The following CDK5RAP2 variants were observed in gnomAD, a reference collection of about 807,000 sequenced individuals.
CDK5RAP2 encodes the protein CDK5 regulatory subunit associated protein 2.
CDK5RAP2 carries 147 observed loss-of-function variants against 232.9 expected under a neutral mutation model. The observed-to-expected ratio is 0.63, with a 90% CI of 0.55 to 0.72. CDK5RAP2 has a LOEUF of 0.72. Among genes scored for constraint, CDK5RAP2 ranks in the 30% least tolerant of loss-of-function variants. The probability of loss-of-function intolerance (pLI) is 0.00; values close to 1 mark genes in which losing one functional copy is unlikely to be tolerated. For missense variants in CDK5RAP2, 2,195 were observed against 2,231.5 expected, an observed-to-expected ratio of 0.98 and a Z score of 0.33; for synonymous variants, 833 against 833.7, an observed-to-expected ratio of 1.00 and a Z score of 0.01.
At chr9:120,456,770 C>T (rs927399416) in intron 20 of CDK5RAP2, among the ~76,000 whole-genome samples, 1 of 152,178 alleles carries the variant, frequency 6.6e-6, no homozygotes, top group African/African-American at 2.4e-5. Context: ...CCATTACTCA[C>T]CACCAAACAA....
At chr9:120,412,039 A>G (rs778006656) in intron 28 of CDK5RAP2, among the ~76,000 whole-genome samples, 12 of 152,192 alleles carry the variant, frequency 7.9e-5, no homozygotes, top group Non-Finnish European at 1.5e-4. Flanking sequence ...TTTCCGTCCT[A>G]AAGTTCAGGC....
chr9:120,517,949 C>T, intron 12 of CDK5RAP2: 2 of 241,522 alleles, frequency 8.3e-6, no homozygotes, highest in South Asian at 4.7e-5. Flanking sequence ...ATGTTTGCTG[C>T]AGAAGTCATA....
intron 23 of CDK5RAP2, among the ~76,000 whole-genome samples, chr9:120,443,194 T>C (rs897663411): frequency 6.6e-6 from 1 of 152,158 alleles, no homozygotes; most frequent in African/African-American, 2.4e-5. Context: ...CAGGCTCTCT[T>C]CTGACCCACT....
chr9:120,537,792 G>C (rs1266728753), intron 6 of CDK5RAP2, among the ~76,000 whole-genome samples: 1 of 152,094 alleles, frequency 6.6e-6, no homozygotes, highest in African/African-American at 2.4e-5. Flanking sequence ...GAGCTTAGAA[G>C]GATGTCTCAC....
intron 12 of CDK5RAP2, among the ~76,000 whole-genome samples, chr9:120,506,100 A>C (rs981815073): frequency 5.9e-5 from 9 of 152,238 alleles, no homozygotes; most frequent in African/African-American, 1.7e-4. Context: ...AAAACTTCAA[A>C]GGACAGGGTG....
chr9:120,453,017 C>T (rs551485738), intron 21 of CDK5RAP2, among the ~76,000 whole-genome samples: 1 of 152,318 alleles, frequency 6.6e-6, no homozygotes, highest in East Asian at 1.9e-4. Flanking sequence ...TGACTGCAAC[C>T]TGCAAAAGCA....
intron 7 of CDK5RAP2, among the ~76,000 whole-genome samples, chr9:120,534,682 G>A (rs1159753443): frequency 6.6e-6 from 1 of 152,200 alleles, no homozygotes; most frequent in Non-Finnish European, 1.5e-5. Flanking sequence ...TATTCATTCT[G>A]TCCCAGGACC....
chr9:120,393,778 C>T (rs184566001), intron 36 of CDK5RAP2, among the ~76,000 whole-genome samples: 175 of 152,378 alleles, frequency 1.1e-3, no homozygotes, highest in Middle Eastern at 3.4e-3. Context: ...ACCTCACCAA[C>T]CCTGAGTCTC....
intron 15 of CDK5RAP2, among the ~76,000 whole-genome samples, chr9:120,473,160 TAAGA>T (rs1288838363): frequency 1.3e-5 from 2 of 152,224 alleles, no homozygotes; most frequent in East Asian, 3.8e-4. Context: ...GTTATTTTCT[TAAGA>T]AAGATTCCCA....
At chr9:120,460,248 T>C (rs952049644) in intron 19 of CDK5RAP2, among the ~76,000 whole-genome samples, 1 of 152,186 alleles carries the variant, frequency 6.6e-6, no homozygotes. Flanking sequence ...CCTCAAAGCC[T>C]TCAGTTTCTA....
intron 15 of CDK5RAP2, among the ~76,000 whole-genome samples, chr9:120,475,086 C>T (rs1219193218): frequency 9.2e-5 from 14 of 152,172 alleles, no homozygotes; most frequent in Non-Finnish European, 1.5e-5. Context: ...ACACAGTGTC[C>T]TCTCTAGTTT....
intron 26 of CDK5RAP2, among the ~76,000 whole-genome samples, chr9:120,420,239 G>A (rs1000569051): frequency 6.6e-6 from 1 of 152,156 alleles, no homozygotes; most frequent in African/African-American, 2.4e-5. Flanking sequence ...TTGGGTCGAC[G>A]GCAGCTGTTT....
intron 7 of CDK5RAP2, among the ~76,000 whole-genome samples, chr9:120,534,713 A>C (rs879376340): frequency 6.6e-6 from 1 of 152,086 alleles, no homozygotes; most frequent in Non-Finnish European, 1.5e-5. Flanking sequence ...CCTATCCCAA[A>C]CCCTCTCCTT....
Position 120,530,031 on chromosome 9 carries a change from C to G in CDK5RAP2, c.772G>C (p.Glu258Gln). Residue 258 changes from glutamate (E) to glutamine (Q), a missense_variant, in exon 8 of 38, where the codon GAG (glutamate) becomes CAG (glutamine). Physicochemically the swap from Glu to Gln is conservative, Grantham distance 29 (BLOSUM62 2). Coordinates refer to ENST00000349780, the MANE Select transcript of CDK5RAP2 (RefSeq NM_018249.6). ...GGAGCAGCACAAAGTCCTCGGAGCT[C>G]TCCAGATGACACATTCTCATCAGGA... is the stretch of plus-strand genomic sequence containing the variant. ...ACPDENVSSG[E>Q]LRGLCAAPRE... The G allele has an allele frequency of 3.7e-6, 6 of 1,614,062 alleles. No homozygotes were observed. Among genetic ancestry groups the G allele is most frequent in the African/African-American group, 1.3e-5 (1 of 75,056 alleles).
At chr9:120,470,087 C>G in intron 17 of CDK5RAP2, 24 bp downstream of exon 17, 1 of 1,123,322 alleles carries the variant, frequency 8.9e-7, no homozygotes, top group Non-Finnish European at 1.3e-6. Flanking sequence ...AAAAGAAAAG[C>G]ACTAAAAATT....
At chr9:120,541,365 T>C (rs2041625490) in intron 5 of CDK5RAP2, among the ~76,000 whole-genome samples, 1 of 152,228 alleles carries the variant, frequency 6.6e-6, no homozygotes, top group Non-Finnish European at 1.5e-5. Flanking sequence ...TTCAGTTTGT[T>C]TGAGTTTTAG....
At position 120,394,499 on chromosome 9, in the gene CDK5RAP2, C is replaced by T. The variant is rs780111593; in HGVS notation, c.5578+13G>A. 3 of 1,614,116 alleles carry T rather than the reference C, an allele frequency of 1.9e-6. No homozygotes were observed. The highest frequency in any genetic ancestry group is 1.7e-6 in the Non-Finnish European group (2 of 1,180,030). On this transcript the variant is annotated intron_variant, in intron 36 of 37. Transcript: ENST00000349780. The stretch of plus-strand genomic sequence containing the variant: ...AGTGGTCAGGCATAGCGGCCACCCC[C>T]ACACTCACTCACATTGATCAAAGAT...
Position 120,458,603 on chromosome 9 carries a change from T to C in CDK5RAP2, c.2222A>G (p.Lys741Arg), listed in dbSNP as rs754661724. ...QSNEIMKDLS[K>R]GGCKNGYLRH... ...TAAGTATCCATTTTTGCAGCCTCCTTTGGAAAGGTCTTTCATAATCTGCAA... is the reference window on the plus strand; with the variant it reads ...TAAGTATCCATTTTTGCAGCCTCCTCTGGAAAGGTCTTTCATAATCTGCAA... Residue 741 changes from lysine to arginine, a missense_variant, in exon 20 of 38, where the codon AAA becomes AGA. Transcript: ENST00000349780. The C allele has an allele frequency of 1.9e-6, 3 of 1,614,126 alleles. No individual in the cohort carries two copies. Among genetic ancestry groups the C allele is most frequent in the Non-Finnish European group, 2.5e-6 (3 of 1,179,994 alleles).
At chr9:120,443,593 C>T (rs747717018) in intron 23 of CDK5RAP2, 27 bp downstream of exon 23, 1 of 1,613,504 alleles carries the variant, frequency 6.2e-7, no homozygotes, top group South Asian at 1.1e-5. Flanking sequence ...GGAAGCTGTT[C>T]AATACACACA....
Sources: gnomAD v4.1 joint callset for allele counts (sites outside exome capture counted in the v4.1 genomes callset) on GRCh38, gnomAD v4.1.1 for gene constraint, MANE v1.5 for transcripts, NCBI Gene and HGNC (gene_info 2026-07-23, HGNC 2026-07-21) for gene names.